Variants in PCDH15 observed in about 807,000 individuals in gnomAD.
The protein encoded by PCDH15 is protocadherin related 15.
A neutral mutation model predicts 178.5 loss-of-function variants in PCDH15; 129 were observed. The ratio of observed to expected loss-of-function variants is 0.72; its 90% confidence interval spans 0.63 to 0.84. The LOEUF (loss-of-function observed/expected upper bound fraction) is 0.84. PCDH15 is among the 40% of genes least tolerant of loss of function. The pLI is 0.00. For missense variants in PCDH15, 2,230 were observed against 2,099.9 expected (o/e 1.06, Z -1.21); for synonymous variants, 800 against 732.0 (o/e 1.09, Z -1.50).
In PCDH15 at chr10:54,236,597, G is replaced by A. The variant is rs572139259; in HGVS notation, c.985+226C>T. 1.7e-3 allele frequency among the ~76,000 whole-genome samples: 259 copies of A among 152,118 alleles called. 1 individual carries two copies. Among genetic ancestry groups the A allele is most frequent in the African/African-American group, 5.7e-3 (238 of 41,512 alleles). On this transcript the variant is annotated intron_variant, in intron 9 of 37. Coordinates refer to ENST00000644397, the MANE Select transcript of PCDH15 (RefSeq NM_001384140.1). ...ATTTCCTAATATTTTGAATTGCTTT[G>A]CTTCTTCCATAAAAGTTATTCATTT...
intron 8 of PCDH15, among the ~76,000 whole-genome samples, chr10:54,259,497 C>A (rs1288719396): frequency 1.3e-5 from 2 of 152,124 alleles, no homozygotes; most frequent in Middle Eastern, 3.4e-3. Context: ...AGAGAGTGAA[C>A]AAAGTGACAC....
rs541881669 is a variant in PCDH15 at position 54,791,879 on chromosome 10, C to A, written c.-29+9046G>T. On this transcript the variant is annotated intron_variant, in intron 1 of 37. Transcript: ENST00000644397. ...GCTCTCATCTACCTGTTGACTATTT[C>A]CACAGAGCAGGGAGAGTAGCACCTT... Among the ~76,000 whole-genome samples, 6 of 152,010 alleles carry A rather than the reference C, an allele frequency of 3.9e-5. No homozygotes were observed. In the South Asian group the frequency reaches 1.2e-3, roughly 32 times the overall value.
At chr10:54,018,124 T>C (rs770049191) in intron 20 of PCDH15, among the ~76,000 whole-genome samples, 1 of 152,022 alleles carries the variant, frequency 6.6e-6, no homozygotes, top group Non-Finnish European at 1.5e-5. Flanking sequence ...GTCCCTATAA[T>C]ATGAGAATTG....
intron 37 of PCDH15, among the ~76,000 whole-genome samples, chr10:53,807,844 C>A (rs534735334): frequency 1.8e-4 from 27 of 152,158 alleles, no homozygotes; most frequent in African/African-American, 6.5e-4. Context: ...CTTTTGTAAG[C>A]AACTGGACAT....
At chr10:54,991,275 T>C (rs1251172950) in intron 2 of PCDH15, among the ~76,000 whole-genome samples, 2 of 152,186 alleles carry the variant, frequency 1.3e-5, no homozygotes, top group Non-Finnish European at 2.9e-5. Flanking sequence ...ACAACATTAA[T>C]GTAATGTAAC....
At chr10:53,847,127 C>T (rs1186909176) in intron 28 of PCDH15, among the ~76,000 whole-genome samples, 1 of 151,860 alleles carries the variant, frequency 6.6e-6, no homozygotes, top group Admixed American at 6.6e-5. Context: ...AAACCTACCT[C>T]AAAGGTCCTC....
intron 9 of PCDH15, among the ~76,000 whole-genome samples, chr10:54,232,138 G>C (rs2054140075): frequency 6.6e-6 from 1 of 152,164 alleles, no homozygotes; most frequent in African/African-American, 2.4e-5. Context: ...CTCCAATGTA[G>C]GAGGAGGGAC....
chr10:53,949,093 C>G (rs368353307), intron 23 of PCDH15, among the ~76,000 whole-genome samples: 19 of 152,284 alleles, frequency 1.2e-4, no homozygotes, highest in East Asian at 7.7e-4. Context: ...ACTTGCTTCA[C>G]TCTGCTACAT....
intron 26 of PCDH15, among the ~76,000 whole-genome samples, chr10:53,900,082 T>G (rs1386931492): frequency 6.6e-6 from 1 of 152,186 alleles, no homozygotes; most frequent in Admixed American, 6.6e-5. Flanking sequence ...AGGAAACCTT[T>G]ATGTTCATTC....
In PCDH15 at chr10:54,946,690, T is replaced by G. The variant is rs116160617; in HGVS notation, c.-79-49190A>C. Among the ~76,000 whole-genome samples the G allele has an allele frequency of 7.7e-3, 1,170 of 151,980 alleles. 13 individuals are homozygous for G. The highest frequency in any genetic ancestry group is 0.027 in the African/African-American group (1,132 of 41,504). ...ATAAATTTGAAGAATCCGTGCAATGTACCTTTAAATCATAATTTTCTCTAG... is the reference window on the plus strand; with the variant it reads ...ATAAATTTGAAGAATCCGTGCAATGGACCTTTAAATCATAATTTTCTCTAG... On this transcript the variant is annotated intron_variant, in intron 2 of 5. Coordinates refer to the PCDH15 transcript ENST00000458638.
chr10:54,320,913 G>A (rs1195349030), intron 7 of PCDH15, among the ~76,000 whole-genome samples: 1 of 151,624 alleles, frequency 6.6e-6, no homozygotes, highest in East Asian at 1.9e-4. Context: ...ATCATCCAGT[G>A]TTTTAAATCA....
intron 29 of PCDH15, among the ~76,000 whole-genome samples, chr10:53,839,066 T>C (rs2077480066): frequency 6.6e-6 from 1 of 151,628 alleles, no homozygotes; most frequent in African/African-American, 2.4e-5. Flanking sequence ...TAGCTGGGCG[T>C]GGTGGCGGGC....
chr10:53,812,277 G>C (rs2075894329), intron 35 of PCDH15, among the ~76,000 whole-genome samples: 1 of 152,112 alleles, frequency 6.6e-6, no homozygotes, highest in Non-Finnish European at 1.5e-5. Flanking sequence ...GCGTGATCTT[G>C]GCTCACTACA....
In PCDH15 at chr10:54,901,388, A is replaced by G. The variant is rs1954637017; in HGVS notation, c.-79-3888T>C. Among the ~76,000 whole-genome samples, 4 of 152,326 alleles carry G rather than the reference A, an allele frequency of 2.6e-5. No individual in the cohort carries two copies. In the East Asian group the frequency reaches 7.7e-4, roughly 29 times the overall value. The stretch of plus-strand genomic sequence containing the variant: ...ATTTTATTGCAGAACCTCATCAACC[A>G]GTGTCAAGTCTCTATGAAATATATG... On this transcript the variant is annotated intron_variant, in intron 2 of 5. Transcript: ENST00000458638.
At chr10:54,600,651 G>A (rs994214041) in intron 2 of PCDH15, 2 of 573,156 alleles carry the variant, frequency 3.5e-6, no homozygotes, top group African/African-American at 3.8e-5. Context: ...CACTTCACAT[G>A]CCGTAATAAA....
At chr10:55,167,894 AAGG>A (rs1170204277) in intron 1 of PCDH15, among the ~76,000 whole-genome samples, 2 of 152,250 alleles carry the variant, frequency 1.3e-5, no homozygotes, top group African/African-American at 4.8e-5. Context: ...CATCCTGAAA[AAGG>A]AGATGAATAT....
At chr10:55,289,058 T>C (rs1564972070) in intron 1 of PCDH15, among the ~76,000 whole-genome samples, 1 of 152,036 alleles carries the variant, frequency 6.6e-6, no homozygotes, top group African/African-American at 2.4e-5. Context: ...AAACATAAAG[T>C]ACCAATCAAA....
chr10:54,732,920 TAA>T (rs1285106352), intron 1 of PCDH15, among the ~76,000 whole-genome samples: 2 of 151,440 alleles, frequency 1.3e-5, no homozygotes, highest in Non-Finnish European at 3.0e-5. Context: ...ATTATCAGAA[TAA>T]AAAGAAAAAT....
At chr10:53,815,089 C>A (rs186009410) in intron 35 of PCDH15, among the ~76,000 whole-genome samples, 1 of 152,122 alleles carries the variant, frequency 6.6e-6, no homozygotes, top group South Asian at 2.1e-4. Flanking sequence ...TGTAACAACC[C>A]CTTAGTTGAT....
Sources: gnomAD v4.1 joint callset for allele counts (sites outside exome capture counted in the v4.1 genomes callset) on GRCh38, gnomAD v4.1.1 for gene constraint, MANE v1.5 for transcripts, NCBI Gene and HGNC (gene_info 2026-07-23, HGNC 2026-07-21) for gene names.